Variants in ZC3H3 observed in about 807,000 individuals in gnomAD.
The protein encoded by ZC3H3 is zinc finger CCCH-type containing 3.
In ZC3H3, 36 loss-of-function variants were observed where a neutral mutation model predicts 77.3. The ratio of observed to expected loss-of-function variants is 0.47; its 90% CI spans 0.36 to 0.61. The LOEUF is 0.61. Among genes scored for constraint, ZC3H3 ranks in the 20% least tolerant of loss-of-function variants. The probability of loss-of-function intolerance (pLI) is 0.00; values close to 1 mark genes in which losing one functional copy is unlikely to be tolerated. For synonymous variants in ZC3H3, 626 were observed against 555.2 expected (o/e 1.13, Z -1.79); for missense variants, 1,331 against 1,312.2 (o/e 1.01, Z -0.22).
chr8:143,535,259 G>C (rs919865668), intron 3 of ZC3H3, among the ~76,000 whole-genome samples: 4 of 152,180 alleles, frequency 2.6e-5, no homozygotes, highest in Non-Finnish European at 4.4e-5. Context: ...GGCTGGTCTT[G>C]AACTCCTGGC....
intron 3 of ZC3H3, among the ~76,000 whole-genome samples, chr8:143,512,575 C>T (rs1374721653): frequency 3.9e-5 from 6 of 152,316 alleles, no homozygotes; most frequent in Admixed American, 3.3e-4. Context: ...GCCGTGAATG[C>T]CCCACAGGCA....
Position 143,437,886 on chromosome 8 carries a change from A to G in ZC3H3, c.*170T>C. ...GGGGGAGGAAGACCAGGCCCTGCGC[A>G]CACGCTGGTCATGGAAGGTTGAGGG... On this transcript the variant is annotated 3_prime_UTR_variant, in exon 12 of 12. Transcript: ENST00000262577. The G allele has an allele frequency of 1.1e-6, 1 of 899,628 alleles. No homozygotes were observed. Among genetic ancestry groups the G allele is most frequent in the South Asian group, 1.5e-5 (1 of 64,606 alleles). 55.7% of individuals were successfully genotyped at this position (899,628 alleles called of 1,614,324 possible).
Position 143,440,271 on chromosome 8 carries a change from C to A in ZC3H3, c.2585G>T (p.Gly862Val), listed in dbSNP as rs1202126632. 1 of 1,585,032 alleles carries A rather than the reference C, an allele frequency of 6.3e-7. No homozygotes were observed. The change falls in exon 11 of 12, where the codon GGG becomes GTG. Residue 862 changes from glycine (G) to valine (V), a missense_variant. By Grantham distance (109) the Gly-to-Val change is moderately radical. Around this residue, in one of 3 missense-constraint regions of ZC3H3, gnomAD observed 249 missense variants for 236.9 expected, o/e 1.05. Coordinates refer to ENST00000262577, the MANE Select transcript of ZC3H3 (RefSeq NM_015117.3). ...AAVAAPPHCP[G>V]GSASPSSSKA... ...CGAGGATGAGGGAGAGGCTGACCCC[C>A]CTGGGCAGTGGGGAGGTGCAGCCAC...
chr8:143,437,819 G>C lies in ZC3H3; in HGVS notation c.*237C>G, dbSNP rs1819625439. ...ACAGGCCTGGAGGCCAGCCCTGCCT[G>C]GCACCCTGGAAGGTGGTGGGGTGGG... On this transcript the variant is annotated 3_prime_UTR_variant, in exon 12 of 12. Transcript: ENST00000262577. 3.4e-6 allele frequency: 2 copies of C among 579,992 alleles called. No individual in the cohort carries two copies. 35.9% of individuals were successfully genotyped at this position (579,992 alleles called of 1,614,324 possible). A position where few individuals can be genotyped will look rare whatever the true frequency, so the allele number is the denominator to read the frequency against.
chr8:143,500,349 C>A (rs543512302), intron 4 of ZC3H3, among the ~76,000 whole-genome samples: 1 of 152,218 alleles, frequency 6.6e-6, no homozygotes, highest in Non-Finnish European at 1.5e-5. Context: ...CAACAACTGA[C>A]GCTACACACT....
At chr8:143,441,915 C>T (rs1172863395) in intron 9 of ZC3H3, among the ~76,000 whole-genome samples, 1 of 152,240 alleles carries the variant, frequency 6.6e-6, no homozygotes, top group African/African-American at 2.4e-5. Flanking sequence ...GGCACCCAAA[C>T]TGCTCTTCAT....
Position 143,475,562 on chromosome 8 carries a change from C to T in ZC3H3, c.1739G>A (p.Arg580His), listed in dbSNP as rs771346941. ...TTTCCCACCCCCGCTGGCAACTGGA[C>T]GCAGGCGGTTCAGCACCAGGGACCT... ...LSRSLVLNRL[R>H]PVASGGGKAQ... Residue 580 changes from arginine (R) to histidine (H), a missense_variant, in exon 5 of 12, where the codon CGT becomes CAT. Arg to His is a conservative substitution (Grantham distance 29). Coordinates refer to ENST00000262577, the MANE Select transcript of ZC3H3 (RefSeq NM_015117.3). The T allele has an allele frequency of 6.9e-6, 11 of 1,605,154 alleles. No homozygotes were observed. Among genetic ancestry groups the T allele is most frequent in the Admixed American group, 5.1e-5 (3 of 58,582 alleles).
intron 2 of ZC3H3, 146 bp downstream of exon 2, chr8:143,537,857 C>A (rs1016608759): frequency 1.0e-6 from 1 of 956,750 alleles, no homozygotes; most frequent in Admixed American, 2.4e-5. Flanking sequence ...CCCAAACCAC[C>A]ACAGCAGCAC....
chr8:143,506,898 C>T (rs1821713549), intron 4 of ZC3H3, among the ~76,000 whole-genome samples: 1 of 152,206 alleles, frequency 6.6e-6, no homozygotes. Flanking sequence ...GGTGGGTGGC[C>T]GTGCCCTGGG....
rs1819895893 is a variant in ZC3H3, at chr8:143,447,757, TG to T, written c.2308-6638del. ...GGAGGACGAGAGAGAGCGGGGCAGATGCTACAGACTTTTAACTGACCAGATG... is the reference window on the plus strand; with the variant it reads ...GGAGGACGAGAGAGAGCGGGGCAGATCTACAGACTTTTAACTGACCAGATG... On this transcript the variant is annotated intron_variant, in intron 9 of 11. Coordinates refer to ENST00000262577, the MANE Select transcript of ZC3H3 (RefSeq NM_015117.3). Among the ~76,000 whole-genome samples, 6 of 152,226 alleles carry T rather than the reference TG, an allele frequency of 3.9e-5. No homozygotes were observed. The South Asian group carries it at 1.2e-3, about 32-fold the overall frequency.
intron 2 of ZC3H3, among the ~76,000 whole-genome samples, chr8:143,537,665 C>T (rs1822845691): frequency 6.9e-6 from 1 of 145,260 alleles, no homozygotes; most frequent in Non-Finnish European, 1.5e-5. Context: ...GAGCTACTCC[C>T]CCTGCGCCTG....
At chr8:143,532,995 G>A (rs764628789) in intron 3 of ZC3H3, among the ~76,000 whole-genome samples, 5 of 152,112 alleles carry the variant, frequency 3.3e-5, no homozygotes, top group South Asian at 2.1e-4. Flanking sequence ...TGCGGACTCC[G>A]CTCCTTGGCC....
rs776857943 is a variant in ZC3H3 at position 143,475,563 on chromosome 8, G to T, written c.1738C>A (p.Arg580Ser). The T allele has an allele frequency of 6.2e-7, 1 of 1,604,732 alleles. No individual in the cohort carries two copies. The highest frequency in any genetic ancestry group is 1.7e-4 in the Middle Eastern group (1 of 6,028). Reference sequence around the variant, plus strand: ...TTCCCACCCCCGCTGGCAACTGGACGCAGGCGGTTCAGCACCAGGGACCTG... The same window carrying T: ...TTCCCACCCCCGCTGGCAACTGGACTCAGGCGGTTCAGCACCAGGGACCTG... The part of the protein sequence containing the change: ...LSRSLVLNRL[R>S]PVASGGGKAQ... Residue 580 changes from arginine to serine, a missense_variant, in exon 5 of 12, where the codon CGT becomes AGT. Coordinates refer to ENST00000262577, the MANE Select transcript of ZC3H3 (RefSeq NM_015117.3).
chr8:143,475,834 G>A lies in ZC3H3; in HGVS notation c.1716-249C>T, dbSNP rs554097810. ...CGTCATCAGGGAACACTGACAAGGA[G>A]TCCCAGGAGGTGGCGCCCCCGACCC... On this transcript the variant is annotated intron_variant, in intron 4 of 11. Coordinates refer to ENST00000262577, the MANE Select transcript of ZC3H3 (RefSeq NM_015117.3). Among the ~76,000 whole-genome samples the A allele has an allele frequency of 3.5e-4, 53 of 152,252 alleles. 1 individual carries two copies. The South Asian group carries it at 0.011, about 32-fold the overall frequency.
chr8:143,513,940 T>G (rs1260683201), intron 3 of ZC3H3, among the ~76,000 whole-genome samples: 1 of 152,122 alleles, frequency 6.6e-6, no homozygotes, highest in Non-Finnish European at 1.5e-5. Context: ...CCCCGACCAG[T>G]GTAGCTCGCC....
intron 3 of ZC3H3, among the ~76,000 whole-genome samples, chr8:143,516,201 G>A (rs1219993791): frequency 6.6e-6 from 1 of 152,242 alleles, no homozygotes; most frequent in Non-Finnish European, 1.5e-5. Flanking sequence ...CTCAGATGTG[G>A]GATGACTGGA....
chr8:143,470,574 C>T (rs73369424), intron 5 of ZC3H3, among the ~76,000 whole-genome samples: 1,693 of 152,342 alleles, frequency 0.011, 34 homozygotes, highest in African/African-American at 0.039. Context: ...GTCGGCACTG[C>T]TGGTTCCCAG....
At chr8:143,507,628 AG>A in intron 4 of ZC3H3, 117 bp downstream of exon 4, 1 of 1,217,752 alleles carries the variant, frequency 8.2e-7, no homozygotes, top group Non-Finnish European at 1.1e-6. Flanking sequence ...CCCAACACCA[AG>A]CAGTTCTGGG....
At chr8:143,438,516 G>A (rs2129777025) in intron 11 of ZC3H3, among the ~76,000 whole-genome samples, 1 of 152,314 alleles carries the variant, frequency 6.6e-6, no homozygotes, top group African/African-American at 2.4e-5. Context: ...CTTCCATGTG[G>A]AAAGCCGGGG....
Sources: allele counts gnomAD v4.1 joint callset (sites outside exome capture counted in the v4.1 genomes callset), GRCh38; gene constraint gnomAD v4.1.1; regional missense constraint gnomAD v4.1.1; transcripts MANE v1.5; gene names NCBI Gene and HGNC (gene_info 2026-07-23, HGNC 2026-07-21).